Variants in RAD51B observed in about 807,000 individuals in gnomAD.
RAD51B encodes the protein RAD51 paralog B, also known as DNA repair protein RAD51 homolog 2.
A neutral mutation model predicts 42.2 loss-of-function variants in RAD51B; 38 were observed. The observed-to-expected ratio is 0.90, with a 90% CI of 0.70 to 1.18. The LOEUF is 1.18. RAD51B is among the 50% of genes most tolerant of loss of function. RAD51B has a pLI of 0.00. For synonymous variants in RAD51B, 154 were observed against 145.2 expected (o/e 1.06, Z -0.43); for missense variants, 373 against 400.7 (o/e 0.93, Z 0.59).
intron 8 of RAD51B, among the ~76,000 whole-genome samples, chr14:68,409,789 G>A (rs188247314): frequency 2.2e-4 from 34 of 152,308 alleles, no homozygotes; most frequent in African/African-American, 7.7e-4. Context: ...ACTACTGAAG[G>A]CATTTTAAGT....
intron 7 of RAD51B, among the ~76,000 whole-genome samples, chr14:68,023,605 G>A (rs558760665): frequency 5.9e-5 from 9 of 152,186 alleles, no homozygotes; most frequent in African/African-American, 4.8e-5. Context: ...AGGATTACTG[G>A]TGTGAGGCAC....
intron 3 of RAD51B, among the ~76,000 whole-genome samples, chr14:67,825,798 C>T (rs564521937): frequency 3.2e-4 from 49 of 152,186 alleles, no homozygotes; most frequent in Admixed American, 3.1e-3. Context: ...TGCACGATCT[C>T]GGCTCACTGT....
At chr14:67,830,410 GTTT>G in intron 3 of RAD51B, among the ~76,000 whole-genome samples, 1 of 150,846 alleles carries the variant, frequency 6.6e-6, no homozygotes, top group East Asian at 2.0e-4. Context: ...GATAATTTTT[GTTT>G]TTTTTTGAGA....
intron 7 of RAD51B, among the ~76,000 whole-genome samples, chr14:68,074,552 G>C (rs1322451111): frequency 6.6e-6 from 1 of 152,196 alleles, no homozygotes; most frequent in African/African-American, 2.4e-5. Context: ...TTCTGGTTAG[G>C]AACCATTGCT....
At chr14:68,445,229 T>C (rs757229598) in intron 9 of RAD51B, among the ~76,000 whole-genome samples, 2 of 152,180 alleles carry the variant, frequency 1.3e-5, no homozygotes, top group South Asian at 2.1e-4. Flanking sequence ...CAGAATTCTC[T>C]TCTCAGCTTC....
At chr14:68,128,101 G>A (rs2077809457) in intron 7 of RAD51B, among the ~76,000 whole-genome samples, 1 of 152,162 alleles carries the variant, frequency 6.6e-6, no homozygotes, top group South Asian at 2.1e-4. Flanking sequence ...AGTATCACTG[G>A]GACCAAATGG....
chr14:68,108,499 G>T (rs908882080), intron 7 of RAD51B, among the ~76,000 whole-genome samples: 1 of 151,942 alleles, frequency 6.6e-6, no homozygotes, highest in Non-Finnish European at 1.5e-5. Flanking sequence ...AGTGACAGAG[G>T]CTAATCACAA....
chr14:68,050,622 C>T (rs1272152143), intron 7 of RAD51B, among the ~76,000 whole-genome samples: 1 of 152,110 alleles, frequency 6.6e-6, no homozygotes, highest in Non-Finnish European at 1.5e-5. Context: ...GCTCACACAT[C>T]GACATGAGTA....
chr14:68,425,975 T>TTC (rs2084829566), intron 9 of RAD51B, among the ~76,000 whole-genome samples: 21 of 86,076 alleles, frequency 2.4e-4, no homozygotes, highest in South Asian at 4.2e-4. Flanking sequence ...TTTCTTTCTT[T>TTC]CTTCCTTCCT....
At chr14:68,517,134 T>C (rs970707514) in intron 10 of RAD51B, among the ~76,000 whole-genome samples, 3 of 152,100 alleles carry the variant, frequency 2.0e-5, no homozygotes, top group African/African-American at 7.2e-5. Context: ...CACAAGTGCT[T>C]TTCCTCCAGA....
chr14:68,044,558 T>C (rs554507628), intron 7 of RAD51B, among the ~76,000 whole-genome samples: 2 of 152,344 alleles, frequency 1.3e-5, no homozygotes, highest in African/African-American at 4.8e-5. Context: ...TTTTAGATTT[T>C]GGTCAACTTT....
intron 10 of RAD51B, among the ~76,000 whole-genome samples, chr14:68,634,760 C>T (rs1021180470): frequency 2.6e-5 from 4 of 152,298 alleles, no homozygotes; most frequent in African/African-American, 4.8e-5. Context: ...ACCCCAACTC[C>T]GTAGGCCTGG....
At chr14:68,662,379 T>G (rs1892951532) in intron 11 of RAD51B, among the ~76,000 whole-genome samples, 1 of 152,264 alleles carries the variant, frequency 6.6e-6, no homozygotes, top group South Asian at 2.1e-4. Context: ...CAAACTGTTT[T>G]GGGATCTTAG....
chr14:68,433,652 T>C (rs2085071750), intron 9 of RAD51B, among the ~76,000 whole-genome samples: 1 of 152,196 alleles, frequency 6.6e-6, no homozygotes, highest in South Asian at 2.1e-4. Flanking sequence ...ATTCGTCTAA[T>C]CTTTTTTCAA....
chr14:67,983,251 T>C (rs952310826), intron 7 of RAD51B, among the ~76,000 whole-genome samples: 2 of 152,206 alleles, frequency 1.3e-5, no homozygotes, highest in Non-Finnish European at 2.9e-5. Flanking sequence ...ATTTAATGTA[T>C]TGTGCTTAAT....
At chr14:67,914,149 A>G (rs2044077780) in intron 7 of RAD51B, among the ~76,000 whole-genome samples, 1 of 151,954 alleles carries the variant, frequency 6.6e-6, no homozygotes. Flanking sequence ...CGCTTGGCTA[A>G]TTTTTGTATT....
intron 7 of RAD51B, among the ~76,000 whole-genome samples, chr14:68,259,381 A>G (rs983112907): frequency 7.2e-5 from 11 of 152,112 alleles, no homozygotes; most frequent in African/African-American, 2.7e-4. Flanking sequence ...CAGCATACCA[A>G]CATGGCACAT....
intron 10 of RAD51B, among the ~76,000 whole-genome samples, chr14:68,488,893 G>A (rs533274978): frequency 5.9e-5 from 9 of 152,146 alleles, no homozygotes; most frequent in South Asian, 4.2e-4. Context: ...CCAGAATGTC[G>A]GATTTTACAA....
chr14:68,415,794 C>G (rs906661761), intron 9 of RAD51B, among the ~76,000 whole-genome samples: 1 of 152,176 alleles, frequency 6.6e-6, no homozygotes, highest in African/African-American at 2.4e-5. Flanking sequence ...CACATTTATA[C>G]AATTTCTCCT....
Sources: allele counts gnomAD v4.1 joint callset (sites outside exome capture counted in the v4.1 genomes callset), GRCh38; gene constraint gnomAD v4.1.1; transcripts MANE v1.5; gene names NCBI Gene and HGNC (gene_info 2026-07-23, HGNC 2026-07-21).